The following GSE1 variants were observed in gnomAD, a reference collection of about 807,000 sequenced individuals.
GSE1 encodes Gse1 coiled-coil protein.
In GSE1, 32 loss-of-function variants were observed where a neutral mutation model predicts 112.6. The observed-to-expected ratio is 0.28, with a 90% CI of 0.21 to 0.38. The LOEUF is 0.38. Among genes scored for constraint, GSE1 ranks in the 10% least tolerant of loss-of-function variants. GSE1 has a pLI of 1.00. For synonymous variants in GSE1, 1,115 were observed against 735.6 expected (o/e 1.52, Z -8.35); for missense variants, 2,348 against 1,699.2 (o/e 1.38, Z -6.71).
At chr16:85,235,989 C>CCTGGGCCTGAGG (rs1555544788) in intron 1 of GSE1, among the ~76,000 whole-genome samples, 3 of 151,636 alleles carry the variant, frequency 2.0e-5, no homozygotes, top group South Asian at 4.2e-4. Flanking sequence ...TGGGCCTGGG[C>CCTGGGCCTGAGG]CTGGGCCTGG....
chr16:85,623,451 C>T (rs142180237), intron 1 of GSE1, among the ~76,000 whole-genome samples: 2 of 152,198 alleles, frequency 1.3e-5, no homozygotes, highest in East Asian at 3.8e-4. Context: ...CATGCGGTGC[C>T]CTGGAAGTCC....
Position 85,432,874 on chromosome 16 carries a change from G to A in GSE1, c.2464+75231G>A, listed in dbSNP as rs531298506. Among the ~76,000 whole-genome samples the A allele has an allele frequency of 1.3e-4, 20 of 152,118 alleles. No homozygotes were observed. In the South Asian group the frequency reaches 2.1e-3, roughly 16 times the overall value. On this transcript the variant is annotated intron_variant, in intron 2 of 2. Coordinates refer to the GSE1 transcript ENST00000637419. ...CTGGTTGGGGATTTTTGCCTACCCC[G>A]GCACTCTCTGCAGCTCTATACGGGT...
intron 2 of GSE1, among the ~76,000 whole-genome samples, chr16:85,464,037 CG>C (rs1258204585): frequency 6.6e-6 from 1 of 152,144 alleles, no homozygotes; most frequent in Non-Finnish European, 1.5e-5. Context: ...CCCTTACCTG[CG>C]GGCCTTTTCT....
intron 1 of GSE1, among the ~76,000 whole-genome samples, chr16:85,346,328 A>G (rs1597450484): frequency 6.7e-6 from 1 of 148,588 alleles, no homozygotes; most frequent in South Asian, 2.2e-4. Flanking sequence ...GGATGGATGG[A>G]TGATGGGCAG....
At chr16:85,551,804 T>G (rs748647132), upstream of GSE1, among the ~76,000 whole-genome samples, 1 of 152,254 alleles carries the variant, frequency 6.6e-6, no homozygotes, top group African/African-American at 2.4e-5. Context: ...CAATTAGGGC[T>G]TGGCCTGAGC....
chr16:85,414,294 G>T (rs781567840), intron 2 of GSE1, among the ~76,000 whole-genome samples: 9 of 152,208 alleles, frequency 5.9e-5, no homozygotes, highest in Non-Finnish European at 1.3e-4. Flanking sequence ...AACTGCATTG[G>T]TTGCTAAATC....
rs767297715 is a variant in GSE1, at chr16:85,668,434, T to C, written c.3415+10T>C. On this transcript the variant is annotated intron_variant, in intron 14 of 15. Transcript: ENST00000253458. ...CAGGAACACATAGAAGGTAAGGGGG[T>C]GCTGGGGAAGAGGGGGGAGGGGGTC... 2.1e-6 allele frequency: 3 copies of C among 1,445,636 alleles called. No homozygotes were observed. The highest frequency in any genetic ancestry group is 2.9e-6 in the Non-Finnish European group (3 of 1,044,592). The allele number at this position is 1,445,636 out of a possible 1,614,324, so 89.6% of individuals were successfully genotyped here.
intron 2 of GSE1, among the ~76,000 whole-genome samples, chr16:85,432,080 C>G (rs2049137070): frequency 6.6e-6 from 1 of 152,218 alleles, no homozygotes; most frequent in Admixed American, 6.5e-5. Flanking sequence ...CACCCCTCTT[C>G]CCCCATAAAC....
At chr16:85,342,987 A>C (rs768421834) in intron 1 of GSE1, among the ~76,000 whole-genome samples, 1 of 152,030 alleles carries the variant, frequency 6.6e-6, no homozygotes, top group Non-Finnish European at 1.5e-5. Context: ...GGTGGCAGGC[A>C]GCAGGGAGTG....
chr16:85,297,170 C>T (rs892609186), intron 1 of GSE1, among the ~76,000 whole-genome samples: 4 of 152,246 alleles, frequency 2.6e-5, no homozygotes, highest in Non-Finnish European at 5.9e-5. Flanking sequence ...TGTCAGGAGA[C>T]GGCGCTTCCT....
chr16:85,511,551 C>A (rs1054882285), intron 2 of GSE1, among the ~76,000 whole-genome samples: 1 of 148,982 alleles, frequency 6.7e-6, no homozygotes, highest in African/African-American at 2.5e-5. Flanking sequence ...AAAAAGATGG[C>A]CTGGCAAATG....
At chr16:85,631,323 A>C (rs1460052683) in intron 1 of GSE1, among the ~76,000 whole-genome samples, 1 of 152,198 alleles carries the variant, frequency 6.6e-6, no homozygotes, top group East Asian at 1.9e-4. Flanking sequence ...GCACCAGGAC[A>C]AGAGCTCTGG....
intron 1 of GSE1, among the ~76,000 whole-genome samples, chr16:85,629,272 C>T (rs1022176365): frequency 6.6e-6 from 1 of 152,250 alleles, no homozygotes; most frequent in African/African-American, 2.4e-5. Context: ...CCTAGTTCAG[C>T]CACCCAGCCC....
At chr16:85,240,974 G>A (rs971871422) in intron 1 of GSE1, among the ~76,000 whole-genome samples, 4 of 152,166 alleles carry the variant, frequency 2.6e-5, no homozygotes, top group Non-Finnish European at 5.9e-5. Context: ...CTTGAAAGCT[G>A]CCACCCTAGG....
chr16:85,666,607 G>A lies in GSE1; in HGVS notation c.3130+260G>A, dbSNP rs183548819. ...TGCTGTGAGCAGGGACGCATCGATC[G>A]GTAAGAGGTAAAGGAGTGAACGCCG... On this transcript the variant is annotated intron_variant, in intron 13 of 15. Coordinates refer to ENST00000253458, the MANE Select transcript of GSE1 (RefSeq NM_014615.5). 2.5e-4 allele frequency: 127 copies of A among 516,250 alleles called. 2 individuals are homozygous for A. Among genetic ancestry groups the A allele is most frequent in the Non-Finnish European group, 3.6e-4 (105 of 288,460 alleles). 32.0% of individuals were successfully genotyped at this position (516,250 alleles called of 1,614,324 possible).
At chr16:85,215,242 T>G (rs12922031) in intron 1 of GSE1, among the ~76,000 whole-genome samples, 74,746 of 152,068 alleles carry the variant, frequency 0.49, 20,274 homozygotes, top group African/African-American at 0.74. Flanking sequence ...TGTGTCATCT[T>G]TAAAATGGAG....
At chr16:85,478,910 T>TCCTTCCTTCCTTCCTTCCTTC (rs1491509090) in intron 2 of GSE1, among the ~76,000 whole-genome samples, 2 of 57,482 alleles carry the variant, frequency 3.5e-5, no homozygotes, top group African/African-American at 1.6e-4. Context: ...TTTCTTTCTT[T>TCCTTCCTTCCTTCCTTCCTTC]CTTTCTTTCT....
intron 2 of GSE1, among the ~76,000 whole-genome samples, chr16:85,388,840 C>CT (rs2047767173): frequency 6.6e-6 from 1 of 152,144 alleles, no homozygotes; most frequent in Non-Finnish European, 1.5e-5. Flanking sequence ...GCTGGTGGCT[C>CT]TGCACTGGGG....
intron 2 of GSE1, among the ~76,000 whole-genome samples, chr16:85,472,081 GTGT>G (rs2050312430): frequency 6.6e-6 from 1 of 152,190 alleles, no homozygotes; most frequent in African/African-American, 2.4e-5. Context: ...GGTTGTCCCA[GTGT>G]GACAACCAGA....
Sources: gnomAD v4.1 joint callset for allele counts (sites outside exome capture counted in the v4.1 genomes callset) on GRCh38, gnomAD v4.1.1 for gene constraint, MANE v1.5 for transcripts, NCBI Gene and HGNC (gene_info 2026-07-23, HGNC 2026-07-21) for gene names.